MGA: variants seen among roughly 807,000 people sequenced by gnomAD.
MGA encodes MAX gene-associated protein.
In MGA, 40 loss-of-function variants were observed where a neutral mutation model predicts 261.1. The observed-to-expected ratio is 0.15, with a 90% confidence interval of 0.12 to 0.20. The LOEUF (loss-of-function observed/expected upper bound fraction) is 0.20, where lower values mean the gene tolerates loss of function less well. Ranked by LOEUF, MGA falls within the 10% of genes least tolerant of loss-of-function variation. The pLI is 1.00. For missense variants in MGA, 3,397 were observed against 3,630.5 expected (o/e 0.94, Z 1.65); for synonymous variants, 1,302 against 1,290.6 (o/e 1.01, Z -0.19).
chr15:41,750,274 G>A lies in MGA; in HGVS notation c.6667G>A (p.Asp2223Asn). 6.2e-7 allele frequency: 1 copy of A among 1,613,960 alleles called. No individual in the cohort carries two copies. The highest frequency in any genetic ancestry group is 8.5e-7 in the Non-Finnish European group (1 of 1,179,892). ...GTTTCAGCAAGAACAAGGCATCTCT[G>A]ACTTACTTGGAAAAAGTGGAATTAC... The change falls in exon 17 of 24, where the codon GAC (aspartate) becomes AAC (asparagine). Residue 2223 changes from aspartate to asparagine, a missense_variant. By Grantham distance (23) the Asp-to-Asn change is conservative. Transcript: ENST00000219905.
Position 41,748,955 on chromosome 15 carries a change from CT to C in MGA, c.5503+32del, listed in dbSNP as rs1318091643. The C allele has an allele frequency of 2.5e-6, 4 of 1,603,914 alleles. No individual in the cohort carries two copies. The African/African-American group carries it at 5.4e-5, about 22-fold the overall frequency. ...ATAAAGTTCTTTTTTATGAACTTTT[CT>C]TTTGTTGAATCACTTGGCCATATGG... On this transcript the variant is annotated intron_variant, in intron 16 of 23. Coordinates refer to ENST00000219905, the MANE Select transcript of MGA (RefSeq NM_001164273.2).
At chr15:41,631,758 A>G (rs897389460) in intron 1 of MGA, among the ~76,000 whole-genome samples, 1 of 152,216 alleles carries the variant, frequency 6.6e-6, no homozygotes, top group African/African-American at 2.4e-5. Flanking sequence ...CTGAACAGAA[A>G]AAAAAGTATG....
chr15:41,683,315 T>A (rs979134978), intron 2 of MGA, among the ~76,000 whole-genome samples: 2 of 151,130 alleles, frequency 1.3e-5, no homozygotes, highest in African/African-American at 4.9e-5. Flanking sequence ...GGTCTCTTGG[T>A]CTCCTCAAGT....
intron 1 of MGA, among the ~76,000 whole-genome samples, chr15:41,636,362 G>A (rs969661118): frequency 3.3e-5 from 5 of 151,664 alleles, no homozygotes; most frequent in Non-Finnish European, 5.9e-5. Context: ...GCACAGTCTC[G>A]ACTCACTGCA....
intron 2 of MGA, among the ~76,000 whole-genome samples, chr15:41,685,271 G>A (rs967823420): frequency 5.9e-5 from 9 of 152,192 alleles, no homozygotes; most frequent in Middle Eastern, 3.4e-3. Flanking sequence ...GACTATATGC[G>A]CACAGGTAGG....
chr15:41,627,160 C>T (rs1595534908), intron 1 of MGA, among the ~76,000 whole-genome samples: 1 of 152,176 alleles, frequency 6.6e-6, no homozygotes, highest in South Asian at 2.1e-4. Flanking sequence ...TCCTTGGCCT[C>T]CCAAACTGTT....
intron 1 of MGA, among the ~76,000 whole-genome samples, chr15:41,663,713 C>G (rs762673653): frequency 1.3e-5 from 2 of 151,966 alleles, no homozygotes; most frequent in Non-Finnish European, 2.9e-5. Flanking sequence ...TCAGGTGATT[C>G]GCCCGCCTCA....
chr15:41,766,825 C>G lies in MGA; in HGVS notation c.8743C>G (p.Gln2915Glu). 6.2e-7 allele frequency: 1 copy of G among 1,614,016 alleles called. No homozygotes were observed. The highest frequency in any genetic ancestry group is 8.5e-7 in the Non-Finnish European group (1 of 1,179,892). ...CGATGACTTTTCTGAGAATGAAAAA[C>G]AACTTGCAGAACCAGCCTCTGAGCC... Residue 2915 changes from glutamine (Q) to glutamate (E), a missense_variant, in exon 24 of 24, where the codon CAA becomes GAA. Transcript: ENST00000219905.
At chr15:41,664,053 A>G (rs1312867294) in intron 1 of MGA, among the ~76,000 whole-genome samples, 2 of 152,222 alleles carry the variant, frequency 1.3e-5, no homozygotes, top group South Asian at 2.1e-4. Flanking sequence ...GGCTCAAGAT[A>G]GAGATGGTTT....
chr15:41,689,326 C>T (rs966418156), intron 2 of MGA, among the ~76,000 whole-genome samples: 1 of 150,778 alleles, frequency 6.6e-6, no homozygotes, highest in Non-Finnish European at 1.5e-5. Context: ...TCTCTCCCTA[C>T]CTCTCTCCCT....
Position 41,769,915 on chromosome 15 carries a change from A to G in MGA, c.*2635A>G, listed in dbSNP as rs987165892. On this transcript the variant is annotated 3_prime_UTR_variant, in exon 24 of 24. Transcript: ENST00000219905. ...GAAAGGTAGAATATATAAACCTGAA[A>G]TAAAGCAGTTAAAACAATTAAAGCA... 2 of 152,642 alleles carry G rather than the reference A, an allele frequency of 1.3e-5. No homozygotes were observed. The highest frequency in any genetic ancestry group is 2.9e-5 in the Non-Finnish European group (2 of 68,042). 9.5% of individuals were successfully genotyped at this position (152,642 alleles called of 1,614,324 possible). A position where few individuals can be genotyped will look rare whatever the true frequency, so the allele number is the denominator to read the frequency against.
At chr15:41,688,921 A>G (rs1000685690) in intron 2 of MGA, among the ~76,000 whole-genome samples, 7 of 152,096 alleles carry the variant, frequency 4.6e-5, no homozygotes, top group Non-Finnish European at 7.4e-5. Flanking sequence ...CTTTCTTATT[A>G]TGTCCACACA....
At chr15:41,723,071 C>T (rs77836225) in intron 9 of MGA, among the ~76,000 whole-genome samples, 5,737 of 152,150 alleles carry the variant, frequency 0.038, 156 homozygotes, top group Non-Finnish European at 0.056. Flanking sequence ...ATGAGGAGAC[C>T]ATTTCTTTGT....
chr15:41,655,360 G>A (rs2057144716), intron 1 of MGA, among the ~76,000 whole-genome samples: 1 of 151,576 alleles, frequency 6.6e-6, no homozygotes. Context: ...TGTATTTTTA[G>A]TGGAGCCTTG....
chr15:41,711,247 G>A lies in MGA; in HGVS notation c.2982G>A (p.Lys994=), dbSNP rs2060369375. The change falls in exon 8 of 24, where the codon AAG becomes AAA. Residue 994 remains lysine, a synonymous_variant. Coordinates refer to ENST00000219905, the MANE Select transcript of MGA (RefSeq NM_001164273.2). Reference sequence around the variant, plus strand: ...CAGGCTTGTCTAAATCTCAGGTGAAGCTAATGGACCTGGAAGACTGTGCAC... The same window carrying A: ...CAGGCTTGTCTAAATCTCAGGTGAAACTAATGGACCTGGAAGACTGTGCAC... 2.5e-6 allele frequency: 4 copies of A among 1,614,010 alleles called. No individual in the cohort carries two copies. The East Asian group carries it at 8.9e-5, about 36-fold the overall frequency.
At chr15:41,714,732 A>G (rs759281565) in intron 9 of MGA, among the ~76,000 whole-genome samples, 18 of 152,136 alleles carry the variant, frequency 1.2e-4, no homozygotes, top group Non-Finnish European at 2.1e-4. Flanking sequence ...AGCTCAGGCA[A>G]TCTTCCTGCC....
intron 7 of MGA, among the ~76,000 whole-genome samples, chr15:41,709,346 T>TCAAA (rs926466945): frequency 1.3e-5 from 2 of 152,060 alleles, no homozygotes; most frequent in Non-Finnish European, 2.9e-5. Flanking sequence ...AGACCCTGTC[T>TCAAA]CAAACAAACA....
At position 41,730,084 on chromosome 15, in the gene MGA, G is replaced by C. The variant is rs763826817; in HGVS notation, c.3843+735G>C. Among the ~76,000 whole-genome samples the C allele has an allele frequency of 1.1e-4, 17 of 151,962 alleles. 1 individual carries two copies. The highest frequency in any genetic ancestry group is 2.4e-4 in the Non-Finnish European group (16 of 68,008). The stretch of plus-strand genomic sequence containing the variant: ...ATTTTTTGTATTTTTAGCAGAGATG[G>C]GGTTCCACTATGTTGTCCAGGCTGG... On this transcript the variant is annotated intron_variant, in intron 11 of 23. Transcript: ENST00000219905.
At chr15:41,762,487 T>TTTTTTTTTTTTTTTTTC in intron 22 of MGA, 125 bp downstream of exon 22, 1 of 692,602 alleles carries the variant, frequency 1.4e-6, no homozygotes, top group Middle Eastern at 3.4e-4. Context: ...TTTTTTTTTT[T>TTTTTTTTTTTTTTTTTC]TTTTGGAGAC....
Sources: allele counts gnomAD v4.1 joint callset (sites outside exome capture counted in the v4.1 genomes callset), GRCh38; gene constraint gnomAD v4.1.1; transcripts MANE v1.5; gene names NCBI Gene and HGNC (gene_info 2026-07-23, HGNC 2026-07-21).